The following LRBA variants were observed in gnomAD, a reference collection of about 807,000 sequenced individuals.
LRBA encodes the protein lipopolysaccharide-responsive and beige-like anchor protein.
LRBA carries 176 observed loss-of-function variants against 330.0 expected under a neutral mutation model. The ratio of observed to expected loss-of-function variants is 0.53; its 90% CI spans 0.47 to 0.60. The LOEUF is 0.60. Among genes scored for constraint, LRBA ranks in the 20% least tolerant of loss-of-function variants. LRBA has a pLI of 0.00. For missense variants in LRBA, 3,259 were observed against 3,444.8 expected (o/e 0.95, Z 1.35); for synonymous variants, 1,230 against 1,193.0 (o/e 1.03, Z -0.64).
intron 47 of LRBA, among the ~76,000 whole-genome samples, chr4:150,362,004 C>T (rs1406798184): frequency 1.3e-5 from 2 of 152,122 alleles, no homozygotes; most frequent in Non-Finnish European, 1.5e-5. Flanking sequence ...GATCTCCTGA[C>T]CTCATGATCT....
chr4:150,930,218 G>A (rs939316276), intron 2 of LRBA, among the ~76,000 whole-genome samples: 1 of 152,144 alleles, frequency 6.6e-6, no homozygotes, highest in Non-Finnish European at 1.5e-5. Flanking sequence ...AGGAGGTTGA[G>A]GTAGGAGAAT....
chr4:150,885,650 A>AC (rs1728872371), intron 17 of LRBA, among the ~76,000 whole-genome samples: 3 of 152,096 alleles, frequency 2.0e-5, no homozygotes, highest in South Asian at 4.1e-4. Context: ...AACTAAACAA[A>AC]CCACAGTCAA....
At chr4:150,648,175 A>AAAAAAAAAAAAAAAAAAAAAC (rs1561468460) in intron 37 of LRBA, among the ~76,000 whole-genome samples, 1 of 146,324 alleles carries the variant, frequency 6.8e-6, no homozygotes, top group Non-Finnish European at 1.5e-5. Flanking sequence ...AAAAAAAAAA[A>AAAAAAAAAAAAAAAAAAAAAC]AACTAGAAAA....
At chr4:150,971,839 T>G (rs1174915195) in intron 2 of LRBA, among the ~76,000 whole-genome samples, 2 of 152,174 alleles carry the variant, frequency 1.3e-5, no homozygotes. Context: ...CTGAAGCTTG[T>G]GTTAAAGAAA....
chr4:150,353,778 G>C (rs570520818), intron 47 of LRBA, among the ~76,000 whole-genome samples: 1 of 152,134 alleles, frequency 6.6e-6, no homozygotes, highest in South Asian at 2.1e-4. Flanking sequence ...AGTAATTCGC[G>C]GAACTATTGG....
intron 30 of LRBA, among the ~76,000 whole-genome samples, chr4:150,821,241 T>C (rs1205778882): frequency 6.6e-6 from 1 of 152,134 alleles, no homozygotes; most frequent in Non-Finnish European, 1.5e-5. Context: ...TCCCAAATTG[T>C]CAATTATAAA....
chr4:150,790,661 A>G (rs1423411328), intron 34 of LRBA, among the ~76,000 whole-genome samples: 1 of 152,224 alleles, frequency 6.6e-6, no homozygotes, highest in African/African-American at 2.4e-5. Flanking sequence ...TAAGTTTTTC[A>G]TGACCAATTT....
At chr4:150,688,066 C>T (rs540423857) in intron 36 of LRBA, among the ~76,000 whole-genome samples, 1 of 152,258 alleles carries the variant, frequency 6.6e-6, no homozygotes, top group East Asian at 1.9e-4. Flanking sequence ...TATAAGGCTA[C>T]AGTAACCAAA....
chr4:150,683,806 A>C lies in LRBA; in HGVS notation c.5755-89T>G, dbSNP rs1783267774. 7 of 971,340 alleles carry C rather than the reference A, an allele frequency of 7.2e-6. No homozygotes were observed. In the South Asian group the frequency reaches 1.2e-4, roughly 16 times the overall value. The allele number at this position is 971,340 out of a possible 1,614,324, so 60.2% of individuals were successfully genotyped here. ...AATAATCTTTACCCTAAATCAAAAC[A>C]ACCAAAATTTTAAATCTACTTTTAC... On this transcript the variant is annotated intron_variant, in intron 36 of 56. Transcript: ENST00000651943.
intron 40 of LRBA, chr4:150,579,663 TGGA>T (rs1042601260): frequency 6.6e-6 from 3 of 456,374 alleles, no homozygotes; most frequent in African/African-American, 2.0e-5. Flanking sequence ...GAGCCGCCAG[TGGA>T]GGTGCAGCGG....
At chr4:150,892,902 A>C (rs1729616498) in intron 17 of LRBA, 150 bp downstream of exon 17, 1 of 515,818 alleles carries the variant, frequency 1.9e-6, no homozygotes, top group Admixed American at 3.4e-5. Context: ...TTGAAAAAAA[A>C]TGCATGATTA....
chr4:150,397,366 C>A (rs1744872767), intron 47 of LRBA, among the ~76,000 whole-genome samples: 1 of 152,132 alleles, frequency 6.6e-6, no homozygotes, highest in Non-Finnish European at 1.5e-5. Context: ...GCAGCCTCAG[C>A]CTCCCAGGCT....
intron 37 of LRBA, among the ~76,000 whole-genome samples, chr4:150,658,515 C>A (rs1199056719): frequency 6.4e-3 from 3 of 472 alleles, no homozygotes; most frequent in Non-Finnish European, 0.17. Flanking sequence ...GTCTCCCTCT[C>A]CCTCTCCCTC....
intron 22 of LRBA, among the ~76,000 whole-genome samples, chr4:150,860,599 G>T (rs1028901253): frequency 6.6e-6 from 1 of 152,046 alleles, no homozygotes; most frequent in Non-Finnish European, 1.5e-5. Context: ...AGGCTGAGGC[G>T]CGTGGATCAC....
intron 47 of LRBA, among the ~76,000 whole-genome samples, chr4:150,366,152 A>C (rs1345656224): frequency 2.0e-5 from 3 of 152,164 alleles, no homozygotes; most frequent in Non-Finnish European, 4.4e-5. Context: ...TGATAAGAAA[A>C]AACAGTCTCA....
chr4:150,301,280 T>C (rs1161008446), intron 53 of LRBA, among the ~76,000 whole-genome samples: 1 of 152,104 alleles, frequency 6.6e-6, no homozygotes, highest in Non-Finnish European at 1.5e-5. Flanking sequence ...GTAATTTCTA[T>C]TGTAATTACA....
At chr4:150,467,620 A>G in intron 44 of LRBA, 53 bp downstream of exon 44, 2 of 1,129,780 alleles carry the variant, frequency 1.8e-6, no homozygotes, top group Middle Eastern at 2.2e-4. Context: ...AGACAATCCA[A>G]TTTATTTTTA....
intron 46 of LRBA, 150 bp from the exon 47 acceptor site, chr4:150,415,740 G>A: frequency 1.8e-6 from 1 of 558,780 alleles, no homozygotes; most frequent in Non-Finnish European, 3.1e-6. Flanking sequence ...CCCTGTCACA[G>A]TTTCTCATAA....
chr4:150,443,136 A>C (rs2152009008), intron 44 of LRBA, among the ~76,000 whole-genome samples: 1 of 152,338 alleles, frequency 6.6e-6, no homozygotes, highest in Admixed American at 6.5e-5. Context: ...GTTGGTTACC[A>C]GCCAGTGGCA....
Sources: allele counts gnomAD v4.1 joint callset (sites outside exome capture counted in the v4.1 genomes callset), GRCh38; gene constraint gnomAD v4.1.1; transcripts MANE v1.5; gene names NCBI Gene and HGNC (gene_info 2026-07-23, HGNC 2026-07-21).